ATP2A1: variants seen among roughly 807,000 people sequenced by gnomAD.
The protein encoded by ATP2A1 is ATPase sarcoplasmic/endoplasmic reticulum Ca2+ transporting 1, also known as sarcoplasmic/endoplasmic reticulum calcium ATPase 1.
A neutral mutation model predicts 109.5 loss-of-function variants in ATP2A1; 83 were observed. The observed-to-expected ratio is 0.76, with a 90% CI of 0.63 to 0.91. The LOEUF is 0.91. Among genes scored for constraint, ATP2A1 ranks in the 40% least tolerant of loss-of-function variants. ATP2A1 has a pLI of 0.00. For synonymous variants in ATP2A1, 505 were observed against 537.6 expected (o/e 0.94, Z 0.84); for missense variants, 1,101 against 1,341.0 (o/e 0.82, Z 2.80).
Position 28,900,735 on chromosome 16 carries a change from G to A in ATP2A1, c.1919G>A (p.Gly640Asp). 6.2e-7 allele frequency: 1 copy of A among 1,614,212 alleles called. No individual in the cohort carries two copies. The highest frequency in any genetic ancestry group is 8.5e-7 in the Non-Finnish European group (1 of 1,180,034). The change falls in exon 15 of 23, where the codon GGC (glycine) becomes GAC (aspartate). Residue 640 changes from glycine (G) to aspartate (D), a missense_variant. Gly to Asp is a moderately conservative substitution (Grantham distance 94). Coordinates refer to ENST00000395503, the MANE Select transcript of ATP2A1 (RefSeq NM_004320.6). ...GTAIAICRRI[G>D]IFGENEEVAD... is the part of the protein sequence containing the mutation. ...GCCATTGCCATCTGCCGGCGAATTG[G>A]CATCTTTGGGGAGAACGAGGAGGTG...
intron 12 of ATP2A1, 113 bp downstream of exon 12, chr16:28,895,066 C>T (rs1202794059): frequency 8.7e-6 from 13 of 1,489,438 alleles, no homozygotes; most frequent in Admixed American, 1.8e-5. Context: ...GGACCCCACC[C>T]AGGCAGCAGA....
chr16:28,892,138 G>T (rs1292897880), intron 9 of ATP2A1, among the ~76,000 whole-genome samples: 1 of 152,182 alleles, frequency 6.6e-6, no homozygotes, highest in African/African-American at 2.4e-5. Flanking sequence ...TGCAACAGTG[G>T]TAATGTGATA....
chr16:28,895,413 T>C (rs769127331), intron 12 of ATP2A1, among the ~76,000 whole-genome samples: 4 of 152,242 alleles, frequency 2.6e-5, no homozygotes, highest in African/African-American at 4.8e-5. Flanking sequence ...GTTATTGCTA[T>C]TGATACTTGC....
At position 28,878,790 on chromosome 16, in the gene ATP2A1, G is replaced by T. The variant is rs992119026; in HGVS notation, c.118+1G>T. 11 of 1,613,774 alleles carry T rather than the reference G, an allele frequency of 6.8e-6. No homozygotes were observed. In the South Asian group the frequency reaches 9.9e-5, roughly 14 times the overall value. Reference sequence around the variant, plus strand: ...AATCTGGAGAAATACGGCCTCAATGGTAAGTGTCCCTTGGAAGAGCGGCTG... The same window carrying T: ...AATCTGGAGAAATACGGCCTCAATGTTAAGTGTCCCTTGGAAGAGCGGCTG... On this transcript the variant is annotated splice_donor_variant, in intron 1 of 22. Transcript: ENST00000395503. LOFTEE classifies it high-confidence loss of function.
rs1449918162 is a variant in ATP2A1 at position 28,898,315 on chromosome 16, A to T, written c.1628A>T (p.Glu543Val). The change falls in exon 14 of 23, where the codon GAA (glutamate) becomes GTA (valine). Residue 543 changes from glutamate (E) to valine (V), a missense_variant. Transcript: ENST00000395503. The surrounding 1 kb of genome is among the most constrained non-coding windows in gnomAD (Gnocchi z 4.0). ...TRVPLTGPVKEKIMAVIKEWG... is the reference protein window; with the variant it reads ...TRVPLTGPVKVKIMAVIKEWG... ...GTGCCACTGACGGGGCCGGTGAAGG[A>T]AAAGATCATGGCGGTGATCAAGGAG... is the stretch of plus-strand genomic sequence containing the variant. 6.2e-7 allele frequency: 1 copy of T among 1,614,186 alleles called. No individual in the cohort carries two copies. Among genetic ancestry groups the T allele is most frequent in the Middle Eastern group, 1.6e-4 (1 of 6,062 alleles).
At chr16:28,889,113 G>A (rs970095992) in intron 9 of ATP2A1, among the ~76,000 whole-genome samples, 160 bp downstream of exon 9, 2 of 152,050 alleles carry the variant, frequency 1.3e-5, no homozygotes, top group African/African-American at 4.8e-5. Context: ...TGCCATGAAC[G>A]GGATCAGAGA....
chr16:28,891,813 A>G (rs1963781477), intron 9 of ATP2A1, among the ~76,000 whole-genome samples: 1 of 148,834 alleles, frequency 6.7e-6, no homozygotes, highest in Admixed American at 6.7e-5. Flanking sequence ...CAGGAGGCGG[A>G]GGTTGCGGTG....
At chr16:28,897,597 A>G (rs1963953162) in intron 12 of ATP2A1, among the ~76,000 whole-genome samples, 1 of 152,164 alleles carries the variant, frequency 6.6e-6, no homozygotes, top group Non-Finnish European at 1.5e-5. Flanking sequence ...CTGGAGTACA[A>G]TGGTGCGATC....
intron 8 of ATP2A1, among the ~76,000 whole-genome samples, chr16:28,888,434 G>A (rs1398768646): frequency 2.0e-5 from 3 of 151,818 alleles, no homozygotes; most frequent in Non-Finnish European, 4.4e-5. Flanking sequence ...TAGAGACAGA[G>A]TCTCACTCTT....
At chr16:28,884,507 G>C in intron 5 of ATP2A1, 68 bp from the exon 6 acceptor site, 1 of 1,425,106 alleles carries the variant, frequency 7.0e-7, no homozygotes, top group Non-Finnish European at 9.9e-7. Context: ...GACACAGATT[G>C]GGTTTTTCTT....
Position 28,903,565 on chromosome 16 carries a change from G to A in ATP2A1, c.2980+125G>A, listed in dbSNP as rs111268124. ...CTCAGCCCTGGCAGGACCTGTGTCC[G>A]CCCCGTTCCCCCTGCGCCTGCAGGG... On this transcript the variant is annotated intron_variant, in intron 21 of 22. Transcript: ENST00000395503. The surrounding 1 kb of genome is among the most constrained non-coding windows in gnomAD (Gnocchi z 5.6). The A allele has an allele frequency of 2.2e-5, 26 of 1,176,348 alleles. No homozygotes were observed. The highest frequency in any genetic ancestry group is 4.8e-5 in the African/African-American group (3 of 62,726). 72.9% of individuals were successfully genotyped at this position (1,176,348 alleles called of 1,614,324 possible). A position where few individuals can be genotyped will look rare whatever the true frequency, so the allele number is the denominator to read the frequency against.
chr16:28,902,608 A>C lies in ATP2A1; in HGVS notation c.2553A>C (p.Ala851=), dbSNP rs757039476. 5.6e-6 allele frequency: 9 copies of C among 1,613,986 alleles called. No individual in the cohort carries two copies. The highest frequency in any genetic ancestry group is 7.6e-6 in the Non-Finnish European group (9 of 1,179,984). Residue 851 remains alanine, a synonymous_variant, in exon 18 of 23, where the codon GCA becomes GCC. Transcript: ENST00000395503. This position sits in a 1 kb window ranked among gnomAD's most constrained non-coding sequence, Gnocchi z 4.8. ...ATGTGGGTGCAGCCACCGTGGGAGC[A>C]GCTGCCTGGTGGTTCCTGTACGCTG... The part of the protein sequence containing the change: ...GGYVGAATVG[A]AAWWFLYAED...
intron 6 of ATP2A1, among the ~76,000 whole-genome samples, chr16:28,885,714 G>T (rs1162521211): frequency 6.6e-6 from 1 of 151,980 alleles, no homozygotes; most frequent in Non-Finnish European, 1.5e-5. Flanking sequence ...GGATGTTGTT[G>T]CCTACTCTCT....
chr16:28,904,110 G>GGC, intron 22 of ATP2A1, 70 bp from the exon 23 acceptor site: 2 of 1,396,974 alleles, frequency 1.4e-6, no homozygotes, highest in Non-Finnish European at 2.0e-6. Flanking sequence ...TGCGTGCCTG[G>GGC]GAGATGCACC....
intron 3 of ATP2A1, 185 bp downstream of exon 3, chr16:28,879,768 G>A (rs1963401949): frequency 5.3e-6 from 4 of 758,306 alleles, no homozygotes; most frequent in South Asian, 1.6e-5. Flanking sequence ...GCACCCCAGA[G>A]GCAGGTTTTA....
Position 28,903,286 on chromosome 16 carries a change from C to T in ATP2A1, c.2863-37C>T, listed in dbSNP as rs1409980274. 1 of 1,588,978 alleles carries T rather than the reference C, an allele frequency of 6.3e-7. No homozygotes were observed. The highest frequency in any genetic ancestry group is 1.3e-5 in the African/African-American group (1 of 74,368). On this transcript the variant is annotated intron_variant, in intron 20 of 22. Transcript: ENST00000395503. This position sits in a 1 kb window ranked among gnomAD's most constrained non-coding sequence, Gnocchi z 5.6. The stretch of plus-strand genomic sequence containing the variant: ...CAGTGCTGGTCTCTGGCTCCCTCCC[C>T]ACCCCCTCCTGAGAGGGCGCTTGTC...
rs1567488662 is a variant in ATP2A1 at position 28,898,045 on chromosome 16, C to CGAGACA, written c.1468_1473dup (p.Asp490_Arg491dup). ...GAAGGAATTCACCCTGGAGTTCTCC[C>CGAGACA]GAGACAGAAAGTCCATGTCTGTCTA... On this transcript the variant is annotated inframe_insertion, in exon 13 of 23. Transcript: ENST00000395503. This position sits in a 1 kb window ranked among gnomAD's most constrained non-coding sequence, Gnocchi z 4.0. 6.2e-7 allele frequency: 1 copy of CGAGACA among 1,614,162 alleles called. No individual in the cohort carries two copies. The highest frequency in any genetic ancestry group is 2.2e-5 in the East Asian group (1 of 44,888).
intron 2 of ATP2A1, 178 bp from the exon 3 acceptor site, chr16:28,879,323 C>T (rs1963380456): frequency 2.4e-6 from 2 of 837,704 alleles, no homozygotes; most frequent in Admixed American, 4.2e-5. Flanking sequence ...AACTGCCCCC[C>T]ACTTTGCCGA....
In ATP2A1 at chr16:28,902,764, T is replaced by C; in HGVS notation, c.2611-14T>C. 3 of 1,613,604 alleles carry C rather than the reference T, an allele frequency of 1.9e-6. No homozygotes were observed. Among genetic ancestry groups the C allele is most frequent in the Non-Finnish European group, 2.5e-6 (3 of 1,179,826 alleles). On this transcript the variant is annotated splice_polypyrimidine_tract_variant and intron_variant, in intron 18 of 22. Transcript: ENST00000395503. The surrounding 1 kb of genome is among the most constrained non-coding windows in gnomAD (Gnocchi z 4.8). ...GGTGGCCCTGGACCTCAGTCTCCCG[T>C]ACCTTCCCTGCAGACTCACTTCATG...
Sources: allele counts gnomAD v4.1 joint callset (sites outside exome capture counted in the v4.1 genomes callset), GRCh38; gene constraint gnomAD v4.1.1; non-coding constraint Gnocchi (gnomAD v3.1); transcripts MANE v1.5; gene names NCBI Gene and HGNC (gene_info 2026-07-23, HGNC 2026-07-21).